Variants in CEP295 observed in about 807,000 individuals in gnomAD.
CEP295 encodes the protein centrosomal protein of 295 kDa.
Under a neutral mutation model 291.6 loss-of-function variants are expected in CEP295, and 190 were observed. That is an observed-to-expected ratio of 0.65 (90% CI 0.58 to 0.73). CEP295 has a LOEUF of 0.73. CEP295 is among the 30% of genes least tolerant of loss of function. The probability of loss-of-function intolerance (pLI) is 0.00; values close to 1 mark genes in which losing one functional copy is unlikely to be tolerated. For synonymous variants in CEP295, 993 were observed against 1,038.8 expected (o/e 0.96, Z 0.85); for missense variants, 2,863 against 2,949.4 (o/e 0.97, Z 0.68).
rs186444560 is a variant in CEP295 at position 93,706,781 on chromosome 11, G to A, written c.5633G>A (p.Arg1878Gln). The A allele has an allele frequency of 1.2e-5, 19 of 1,548,952 alleles. No individual in the cohort carries two copies. The East Asian group carries it at 2.2e-4, about 18-fold the overall frequency. Reference sequence around the variant, plus strand: ...ATTTATGAAGACAGAGACCCCCTGCGAGTCTCAATAAGCCGAGAACAAAGT... The same window carrying A: ...ATTTATGAAGACAGAGACCCCCTGCAAGTCTCAATAAGCCGAGAACAAAGT... The part of the protein sequence containing the change: ...PGIYEDRDPL[R>Q]VSISREQSFF... Residue 1878 changes from arginine to glutamine, a missense_variant, in exon 18 of 30, where the codon CGA (arginine) becomes CAA (glutamine). Coordinates refer to ENST00000325212, the MANE Select transcript of CEP295 (RefSeq NM_033395.2).
At chr11:93,718,027 T>C (rs1040997320) in intron 18 of CEP295, among the ~76,000 whole-genome samples, 2 of 152,150 alleles carry the variant, frequency 1.3e-5, no homozygotes, top group African/African-American at 4.8e-5. Context: ...TCCTCCCACC[T>C]CAGCCTCCCG....
At chr11:93,679,592 T>G (rs1347356355) in intron 7 of CEP295, 40 bp downstream of exon 7, 1 of 1,516,814 alleles carries the variant, frequency 6.6e-7, no homozygotes, top group East Asian at 2.5e-5. Context: ...ACTCATGGAC[T>G]TACTAATAGC....
intron 20 of CEP295, 28 bp downstream of exon 20, chr11:93,722,078 A>C: frequency 1.5e-6 from 2 of 1,357,616 alleles, no homozygotes; most frequent in Non-Finnish European, 2.1e-6. Flanking sequence ...TTTATAAATA[A>C]GTTGAAAGAC....
At chr11:93,723,387 G>A in intron 21 of CEP295, 98 bp downstream of exon 21, 1 of 877,056 alleles carries the variant, frequency 1.1e-6, no homozygotes, top group Non-Finnish European at 1.7e-6. Context: ...TGAGCTTCAT[G>A]TTCTTATGGC....
intron 1 of CEP295, among the ~76,000 whole-genome samples, chr11:93,662,004 T>C (rs890345687): frequency 1.3e-5 from 2 of 152,152 alleles, no homozygotes; most frequent in African/African-American, 2.4e-5. Context: ...TGCGAGAGGC[T>C]TTGCGCGCTC....
chr11:93,720,492 T>A (rs1243014592), intron 18 of CEP295, among the ~76,000 whole-genome samples: 2 of 59,640 alleles, frequency 3.4e-5, no homozygotes, highest in Non-Finnish European at 4.2e-5. Flanking sequence ...AAAAAAAAAC[T>A]GTCTCTAAAA....
In CEP295 at chr11:93,697,472, T is replaced by A. The variant is rs1264186265; in HGVS notation, c.2560T>A (p.Leu854Ile). 5 of 1,551,968 alleles carry A rather than the reference T, an allele frequency of 3.2e-6. No individual in the cohort carries two copies. The South Asian group carries it at 5.9e-5, about 18-fold the overall frequency. Residue 854 changes from leucine (L) to isoleucine (I), a missense_variant, in exon 15 of 30, where the codon TTA becomes ATA. This residue lies in a region of CEP295 where 2,295 missense variants were observed against 2,335.7 expected (regional missense o/e 0.98). Transcript: ENST00000325212. ...QGNMKALQEQLDLQKKVLQAT... is the reference protein window; with the variant it reads ...QGNMKALQEQIDLQKKVLQAT... ...TAATATGAAGGCCCTCCAAGAACAG[T>A]TAGACCTACAGAAGAAAGTTCTTCA...
At chr11:93,729,317 G>C in intron 25 of CEP295, 117 bp from the exon 26 acceptor site, 1 of 716,672 alleles carries the variant, frequency 1.4e-6, no homozygotes, top group Non-Finnish European at 2.4e-6. Flanking sequence ...TGTAGACCCA[G>C]CTAAGATTGA....
At chr11:93,672,892 A>C (rs568449243) in intron 5 of CEP295, among the ~76,000 whole-genome samples, 14 of 152,188 alleles carry the variant, frequency 9.2e-5, no homozygotes, top group Admixed American at 1.3e-4. Context: ...GAGGATTCCA[A>C]ATTCAATCTA....
Position 93,696,305 on chromosome 11 carries a change from T to C in CEP295, c.1672-15T>C, listed in dbSNP as rs569486635. 7 of 1,505,742 alleles carry C rather than the reference T, an allele frequency of 4.6e-6. No individual in the cohort carries two copies. In the Admixed American group the frequency reaches 1.0e-4, roughly 22 times the overall value. 93.3% of individuals were successfully genotyped at this position (1,505,742 alleles called of 1,614,324 possible). On this transcript the variant is annotated splice_polypyrimidine_tract_variant and intron_variant, in intron 13 of 29. Coordinates refer to ENST00000325212, the MANE Select transcript of CEP295 (RefSeq NM_033395.2). ...CTAAATTTGCTTTTTAATTAGTAAC[T>C]TTGTCTTTTATTAGGTTGGCATTGC...
chr11:93,703,207 G>A (rs1290782085), intron 17 of CEP295, among the ~76,000 whole-genome samples: 2 of 152,032 alleles, frequency 1.3e-5, no homozygotes, highest in African/African-American at 4.8e-5. Flanking sequence ...CAGGTGATCT[G>A]CCTGCTTCAG....
rs377258438 is a variant in CEP295 at position 93,699,286 on chromosome 11, A to G, written c.4374A>G (p.Ala1458=). The G allele has an allele frequency of 6.4e-7, 1 of 1,551,992 alleles. No homozygotes were observed. Residue 1458 remains alanine, a synonymous_variant, in exon 15 of 30, where the codon GCA becomes GCG. Transcript: ENST00000325212. ...TACCTCAACAAGATAATTTGATTGC[A>G]CTTGAAGAACACTTGCATGCACAGA... ...LVLPQQDNLI[A]LEEHLHAQTD... is the part of the protein sequence containing the mutation.
Position 93,724,265 on chromosome 11 carries a change from A to G in CEP295, c.6208A>G (p.Ile2070Val), listed in dbSNP as rs1953976342. The change falls in exon 22 of 30, where the codon ATT (isoleucine) becomes GTT (valine). Residue 2070 changes from isoleucine (I) to valine (V), a missense_variant. Physicochemically the swap from Ile to Val is conservative, Grantham distance 29 (BLOSUM62 3). Coordinates refer to ENST00000325212, the MANE Select transcript of CEP295 (RefSeq NM_033395.2). ...CCTTGACTTTCCAGAATTGGAACACATTTTTCCTAATTTGCATCATCAGCT... is the reference window on the plus strand; with the variant it reads ...CCTTGACTTTCCAGAATTGGAACACGTTTTTCCTAATTTGCATCATCAGCT... ...EKTDLQELEH[I>V]FPNLHHQLFK... 6.5e-7 allele frequency: 1 copy of G among 1,548,868 alleles called. No homozygotes were observed. Among genetic ancestry groups the G allele is most frequent in the African/African-American group, 1.4e-5 (1 of 72,932 alleles).
intron 18 of CEP295, among the ~76,000 whole-genome samples, chr11:93,711,896 A>T (rs1952930232): frequency 6.6e-6 from 1 of 151,792 alleles, no homozygotes; most frequent in South Asian, 2.1e-4. Context: ...ACAATGATCC[A>T]TGTGCTGAGG....
intron 12 of CEP295, among the ~76,000 whole-genome samples, chr11:93,694,021 G>A (rs1367882542): frequency 6.6e-6 from 1 of 152,202 alleles, no homozygotes. Flanking sequence ...ACTGTAAACA[G>A]TCTAAATTCA....
rs1164456974 is a variant in CEP295 at position 93,729,931 on chromosome 11, A to G, written c.7629A>G (p.Arg2543=). 1 of 1,549,602 alleles carries G rather than the reference A, an allele frequency of 6.5e-7. No homozygotes were observed. The highest frequency in any genetic ancestry group is 2.4e-5 in the East Asian group (1 of 40,886). The change falls in exon 28 of 30, where the codon AGA becomes AGG. Residue 2543 remains arginine, a synonymous_variant. Transcript: ENST00000325212. ...TCAGAGCATCTTTTCCTGAAGACAG[A>G]AAGACTACACAGGCTCTAAGGCACC... ...NKVRASFPED[R]KTTQALRHQR... is the part of the protein sequence containing the mutation.
In CEP295 at chr11:93,729,640, C is replaced by T; in HGVS notation, c.7426C>T (p.Pro2476Ser). 1.3e-6 allele frequency: 2 copies of T among 1,550,628 alleles called. No homozygotes were observed. The highest frequency in any genetic ancestry group is 1.7e-6 in the Non-Finnish European group (2 of 1,146,728). Residue 2476 changes from proline (P) to serine (S), a missense_variant, in exon 27 of 30, where the codon CCA (proline) becomes TCA (serine). Physicochemically the swap from Pro to Ser is moderately conservative, Grantham distance 74 (BLOSUM62 -1). Coordinates refer to ENST00000325212, the MANE Select transcript of CEP295 (RefSeq NM_033395.2). ...TETPRRLTPV[P>S]GSLQEAFIKR... The stretch of plus-strand genomic sequence containing the variant: ...AACCCCTCGCAGGCTTACACCTGTA[C>T]CAGGGAGCTTACAAGAAGCATTTAT...
chr11:93,672,166 T>A lies in CEP295; in HGVS notation c.528+2396T>A, dbSNP rs999034610. On this transcript the variant is annotated intron_variant, in intron 5 of 29. Coordinates refer to ENST00000325212, the MANE Select transcript of CEP295 (RefSeq NM_033395.2). ...CAGAGTTTATGTCAAGGTCTATTTC[T>A]ATAAAGCTCATGATCTTTTTACTGT... Among the ~76,000 whole-genome samples, 25 of 152,364 alleles carry A rather than the reference T, an allele frequency of 1.6e-4. No individual in the cohort carries two copies. The East Asian group carries it at 4.8e-3, about 29-fold the overall frequency.
Position 93,706,808 on chromosome 11 carries a change from T to A in CEP295, c.5660T>A (p.Phe1887Tyr). The A allele has an allele frequency of 6.4e-7, 1 of 1,550,756 alleles. No individual in the cohort carries two copies. Among genetic ancestry groups the A allele is most frequent in the Non-Finnish European group, 8.7e-7 (1 of 1,146,520 alleles). The change falls in exon 18 of 30, where the codon TTC becomes TAC. Residue 1887 changes from phenylalanine (F) to tyrosine (Y), a missense_variant. Coordinates refer to ENST00000325212, the MANE Select transcript of CEP295 (RefSeq NM_033395.2). ...LRVSISREQS[F>Y]FGSPLAHDPF... is the part of the protein sequence containing the mutation. Reference sequence around the variant, plus strand: ...GTCTCAATAAGCCGAGAACAAAGTTTCTTTGGGAGCCCACTGGCCCATGAT... The same window carrying A: ...GTCTCAATAAGCCGAGAACAAAGTTACTTTGGGAGCCCACTGGCCCATGAT...
Sources: allele counts gnomAD v4.1 joint callset (sites outside exome capture counted in the v4.1 genomes callset), GRCh38; gene constraint gnomAD v4.1.1; regional missense constraint gnomAD v4.1.1; transcripts MANE v1.5; gene names NCBI Gene and HGNC (gene_info 2026-07-23, HGNC 2026-07-21).